The following COLEC12 variants were observed in gnomAD, a reference collection of about 807,000 sequenced individuals.
The protein encoded by COLEC12 is collectin subfamily member 12.
In COLEC12, 33 loss-of-function variants were observed where a neutral mutation model predicts 71.1. The ratio of observed to expected loss-of-function variants is 0.46; its 90% CI spans 0.35 to 0.62. COLEC12 has a LOEUF of 0.62. Among genes scored for constraint, COLEC12 ranks in the 20% least tolerant of loss-of-function variants. COLEC12 has a pLI of 0.00. For synonymous variants in COLEC12, 350 were observed against 353.0 expected (o/e 0.99, Z 0.10); for missense variants, 765 against 916.1 (o/e 0.84, Z 2.13).
In COLEC12 at chr18:319,138, T is replaced by G. The variant is rs1342887354; in HGVS notation, c.*907A>C. 6.6e-6 allele frequency: 1 copy of G among 151,838 alleles called. No homozygotes were observed. Among genetic ancestry groups the G allele is most frequent in the African/African-American group, 2.4e-5 (1 of 41,348 alleles). The allele number at this position is 151,838 out of a possible 1,614,324, so 9.4% of individuals were successfully genotyped here. ...CACCAAAATGAAGTGGAAGCACGTC[T>G]TGAGTTGCCCATTTCTTCTGTGTCT... On this transcript the variant is annotated 3_prime_UTR_variant, in exon 10 of 10. Transcript: ENST00000400256.
chr18:475,358 C>T (rs1216764487), intron 2 of COLEC12, among the ~76,000 whole-genome samples: 1 of 152,142 alleles, frequency 6.6e-6, no homozygotes, highest in African/African-American at 2.4e-5. Context: ...TCCTGGCATT[C>T]CCATCAGGGA....
At chr18:443,803 T>C (rs953738740) in intron 2 of COLEC12, among the ~76,000 whole-genome samples, 1 of 152,142 alleles carries the variant, frequency 6.6e-6, no homozygotes, top group African/African-American at 2.4e-5. Flanking sequence ...GGTGTTTGGA[T>C]CATGGGGGTG....
rs573792562 is a variant in COLEC12 at position 374,491 on chromosome 18, A to C, written c.59-16969T>G. ...TCGCCCCTGAAAATCACCCACAGGC[A>C]TATGTTTGGGCATGATTTCAGGAGA... is the stretch of plus-strand genomic sequence containing the variant. On this transcript the variant is annotated intron_variant, in intron 2 of 9. Transcript: ENST00000400256. Among the ~76,000 whole-genome samples the C allele has an allele frequency of 2.6e-5, 4 of 152,260 alleles. No homozygotes were observed. The East Asian group carries it at 5.8e-4, about 22-fold the overall frequency.
chr18:357,670 CT>C, intron 2 of COLEC12, 148 bp from the exon 3 acceptor site: 1 of 585,880 alleles, frequency 1.7e-6, no homozygotes, highest in Admixed American at 3.5e-5. Context: ...AGTAAACACA[CT>C]GCTTGAGCAA....
rs1913600426 is a variant in COLEC12 at position 318,257 on chromosome 18, G to C, written c.*1788C>G. ...GGCCTCCCAAAGTGCTGGGATTACA[G>C]GCGTGAGCCACCGCGCCCGGCTGTC... On this transcript the variant is annotated 3_prime_UTR_variant, in exon 10 of 10. Coordinates refer to ENST00000400256, the MANE Select transcript of COLEC12 (RefSeq NM_130386.3). 6.6e-6 allele frequency: 1 copy of C among 152,028 alleles called. No homozygotes were observed. The highest frequency in any genetic ancestry group is 2.4e-5 in the African/African-American group (1 of 41,362). The allele number at this position is 152,028 out of a possible 1,614,324, so 9.4% of individuals were successfully genotyped here.
chr18:322,238 C>A (rs1390720045), intron 8 of COLEC12, among the ~76,000 whole-genome samples: 1 of 151,770 alleles, frequency 6.6e-6, no homozygotes, highest in Non-Finnish European at 1.5e-5. Context: ...TTGTGAGAAC[C>A]CAGAGGGACC....
chr18:320,111 AAGTTAAT>A, intron 9 of COLEC12, 47 bp from the exon 10 acceptor site: 1 of 1,119,254 alleles, frequency 8.9e-7, no homozygotes, highest in South Asian at 1.3e-5. Flanking sequence ...TTAAATAATA[AAGTTAAT>A]GTGCAATTCA....
intron 1 of COLEC12, among the ~76,000 whole-genome samples, chr18:496,726 C>T (rs1354044135): frequency 6.6e-6 from 1 of 152,184 alleles, no homozygotes; most frequent in Non-Finnish European, 1.5e-5. Flanking sequence ...AGCAGCTGAA[C>T]ACTGTGTTTT....
At chr18:403,596 G>C (rs972000606) in intron 2 of COLEC12, among the ~76,000 whole-genome samples, 12 of 152,136 alleles carry the variant, frequency 7.9e-5, no homozygotes, top group African/African-American at 2.9e-4. Flanking sequence ...CTATCTTTTT[G>C]AAAGACAGCT....
In COLEC12 at chr18:464,975, G is replaced by A. The variant is rs756798298; in HGVS notation, c.58+15732C>T. Among the ~76,000 whole-genome samples the A allele has an allele frequency of 1.4e-3, 218 of 152,288 alleles. 1 individual carries two copies. The highest frequency in any genetic ancestry group is 2.6e-3 in the Non-Finnish European group (176 of 68,024). ...GGTTCTAGACGCTCCCATCACACTG[G>A]GGACCTCTACTTACAGGAAGTTTCT... is the stretch of plus-strand genomic sequence containing the variant. On this transcript the variant is annotated intron_variant, in intron 2 of 9. Coordinates refer to ENST00000400256, the MANE Select transcript of COLEC12 (RefSeq NM_130386.3).
At chr18:367,614 GAACCTAATGAGAAATGAGTC>G (rs1464399877) in intron 2 of COLEC12, among the ~76,000 whole-genome samples, 1 of 152,192 alleles carries the variant, frequency 6.6e-6, no homozygotes, top group Non-Finnish European at 1.5e-5. Context: ...CCTCAGTCTT[GAACCTAATGAGAAATGAGTC>G]AATCGACTTG....
At chr18:344,748 C>A (rs540411787) in intron 5 of COLEC12, among the ~76,000 whole-genome samples, 1 of 152,246 alleles carries the variant, frequency 6.6e-6, no homozygotes, top group Non-Finnish European at 1.5e-5. Context: ...TGTTTTGTCT[C>A]ATCCATTTAT....
intron 2 of COLEC12, among the ~76,000 whole-genome samples, chr18:373,181 T>C (rs1915038565): frequency 6.6e-6 from 1 of 152,182 alleles, no homozygotes; most frequent in Non-Finnish European, 1.5e-5. Context: ...ATACACAGAT[T>C]TCTGTGTCAT....
chr18:418,621 C>T (rs569136036), intron 2 of COLEC12, among the ~76,000 whole-genome samples: 5 of 152,304 alleles, frequency 3.3e-5, no homozygotes, highest in South Asian at 2.1e-4. Flanking sequence ...GTGAAGGAGC[C>T]GGCCAAAATC....
rs985601867 is a variant in COLEC12 at position 335,306 on chromosome 18, A to G, written c.1328-76T>C. The G allele has an allele frequency of 1.1e-4, 169 of 1,472,452 alleles. No individual in the cohort carries two copies. In the African/African-American group the frequency reaches 2.2e-3, roughly 19 times the overall value. The allele number at this position is 1,472,452 out of a possible 1,614,324, so 91.2% of individuals were successfully genotyped here. ...GTTATGAATAATTTTTCTTCTTATA[A>G]AATCTCCAAATTAAAAAAACCTAGC... On this transcript the variant is annotated intron_variant, in intron 5 of 9. Transcript: ENST00000400256.
At chr18:499,657 CTT>C (rs1917780980) in intron 1 of COLEC12, among the ~76,000 whole-genome samples, 1 of 152,240 alleles carries the variant, frequency 6.6e-6, no homozygotes, top group Non-Finnish European at 1.5e-5. Flanking sequence ...CTGAACGACT[CTT>C]TGATGCCTCC....
At chr18:453,266 G>C (rs1916797676) in intron 2 of COLEC12, among the ~76,000 whole-genome samples, 1 of 152,210 alleles carries the variant, frequency 6.6e-6, no homozygotes, top group African/African-American at 2.4e-5. Context: ...AGGACAAGAG[G>C]CACTCCTGGC....
intron 2 of COLEC12, among the ~76,000 whole-genome samples, chr18:401,326 G>A (rs750027602): frequency 2.2e-4 from 33 of 152,270 alleles, no homozygotes; most frequent in South Asian, 8.3e-4. Context: ...GTTGCCATTC[G>A]TCCTGGCTGG....
chr18:478,878 C>G (rs1917354482), intron 2 of COLEC12, among the ~76,000 whole-genome samples: 1 of 131,646 alleles, frequency 7.6e-6, no homozygotes, highest in African/African-American at 3.2e-5. Context: ...TACCATGTCT[C>G]CTGTGAGTCA....
Sources: gnomAD v4.1 joint callset for allele counts (sites outside exome capture counted in the v4.1 genomes callset) on GRCh38, gnomAD v4.1.1 for gene constraint, MANE v1.5 for transcripts, NCBI Gene and HGNC (gene_info 2026-07-23, HGNC 2026-07-21) for gene names.